GNAL: variants seen among roughly 807,000 people sequenced by gnomAD.
GNAL encodes the protein guanine nucleotide-binding protein G(olf) subunit alpha.
GNAL carries 18 observed loss-of-function variants against 55.1 expected under a neutral mutation model. The observed-to-expected ratio is 0.33, with a 90% confidence interval of 0.23 to 0.48. The LOEUF (loss-of-function observed/expected upper bound fraction) is 0.48, where lower values mean the gene tolerates loss of function less well. Ranked by LOEUF, GNAL falls within the 20% of genes least tolerant of loss-of-function variation. GNAL has a pLI of 0.99. For synonymous variants in GNAL, 253 were observed against 237.0 expected (o/e 1.07, Z -0.62); for missense variants, 412 against 614.1 (o/e 0.67, Z 3.48).
rs532979389 is a variant in GNAL at position 11,868,081 on chromosome 18, C to T, written c.911-462C>T. On this transcript the variant is annotated intron_variant, in intron 8 of 11. Coordinates refer to ENST00000334049, the MANE Select transcript of GNAL (RefSeq NM_182978.4). This position sits in a 1 kb window ranked among gnomAD's most constrained non-coding sequence, Gnocchi z 4.0. ...CAGAGGTTGCAGTGAGCCAAGATTG[C>T]GCCATTGCACTCCAGCCTGGGCAAC... Among the ~76,000 whole-genome samples the T allele has an allele frequency of 9.2e-5, 14 of 151,686 alleles. 1 individual carries two copies. The East Asian group carries it at 1.2e-3, about 13-fold the overall frequency.
intron 1 of GNAL, among the ~76,000 whole-genome samples, chr18:11,704,975 G>A (rs539626652): frequency 5.3e-5 from 8 of 152,084 alleles, no homozygotes; most frequent in African/African-American, 1.4e-4. Flanking sequence ...CACTTCACAC[G>A]AGATCTACCC....
intron 4 of GNAL, among the ~76,000 whole-genome samples, chr18:11,815,766 C>G (rs2034938993): frequency 6.6e-6 from 1 of 151,822 alleles, no homozygotes; most frequent in Non-Finnish European, 1.5e-5. Flanking sequence ...TTTGCAAAAC[C>G]TATAGCTGAT....
chr18:11,874,051 GA>G (rs1323986171), intron 10 of GNAL: 1 of 152,380 alleles, frequency 6.6e-6, no homozygotes, highest in African/African-American at 2.4e-5. Context: ...ACCTGCTTAG[GA>G]GCACCAAGGA....
At chr18:11,693,823 C>A (rs1225984043) in intron 1 of GNAL, among the ~76,000 whole-genome samples, 1 of 148,252 alleles carries the variant, frequency 6.7e-6, no homozygotes, top group Non-Finnish European at 1.5e-5. Context: ...TGAAGACCAG[C>A]CTGGGCAACA....
intron 4 of GNAL, among the ~76,000 whole-genome samples, chr18:11,796,847 C>T (rs2034403016): frequency 6.6e-6 from 1 of 152,088 alleles, no homozygotes; most frequent in African/African-American, 2.4e-5. Flanking sequence ...TACTCATTTC[C>T]AAATTTCCTA....
At chr18:11,806,135 T>C (rs1442413931) in intron 4 of GNAL, among the ~76,000 whole-genome samples, 1 of 152,226 alleles carries the variant, frequency 6.6e-6, no homozygotes, top group African/African-American at 2.4e-5. Context: ...TGTTGGCCAT[T>C]TGTATGTCTT....
intron 1 of GNAL, among the ~76,000 whole-genome samples, chr18:11,690,332 T>G (rs944608253): frequency 6.6e-5 from 10 of 152,092 alleles, no homozygotes; most frequent in African/African-American, 2.2e-4. Context: ...TGGCAGTTTG[T>G]TTTAAGAACA....
chr18:11,788,914 A>AAAAAAAAAAAATATATATAT (rs60071996), intron 4 of GNAL, among the ~76,000 whole-genome samples: 2 of 56,298 alleles, frequency 3.6e-5, no homozygotes, highest in African/African-American at 2.0e-4. Context: ...AAAAAAAAAA[A>AAAAAAAAAAAATATATATAT]ATATATATAT....
At chr18:11,782,085 C>G (rs1834267) in intron 4 of GNAL, among the ~76,000 whole-genome samples, 17,688 of 152,164 alleles carry the variant, frequency 0.12, 1,446 homozygotes, top group African/African-American at 0.23. Context: ...GGGAAGTCGA[C>G]ATGGGCGGAT....
intron 4 of GNAL, among the ~76,000 whole-genome samples, chr18:11,822,036 C>T (rs2035107325): frequency 6.6e-6 from 1 of 152,230 alleles, no homozygotes; most frequent in African/African-American, 2.4e-5. Flanking sequence ...CTCAGTTTCT[C>T]CTCCGCCTGC....
At chr18:11,877,966 C>G (rs1280365006) in intron 11 of GNAL, among the ~76,000 whole-genome samples, 1 of 152,174 alleles carries the variant, frequency 6.6e-6, no homozygotes, top group Non-Finnish European at 1.5e-5. Flanking sequence ...AGCAAGAGAG[C>G]CTTTACTTAA....
In GNAL at chr18:11,873,995, G is replaced by T. The variant is rs117377308; in HGVS notation, c.1162+1597G>T. The T allele has an allele frequency of 5.9e-3, 901 of 152,824 alleles. 8 individuals are homozygous for T. Among genetic ancestry groups the T allele is most frequent in the Non-Finnish European group, 9.4e-3 (647 of 68,498 alleles). 9.5% of individuals were successfully genotyped at this position (152,824 alleles called of 1,614,324 possible). On this transcript the variant is annotated intron_variant, in intron 10 of 11. Coordinates refer to ENST00000334049, the MANE Select transcript of GNAL (RefSeq NM_182978.4). ...CTGTAGCTGGTCACTCACCTTTCCA[G>T]AACATTCTGTGAACTACCAAAGTCA...
rs767776107 is a variant in GNAL, at chr18:11,884,987, G to A, written c.*3852G>A. 4 of 1,302,574 alleles carry A rather than the reference G, an allele frequency of 3.1e-6. No homozygotes were observed. The highest frequency in any genetic ancestry group is 2.5e-5 in the South Asian group (2 of 80,320). 80.7% of individuals were successfully genotyped at this position (1,302,574 alleles called of 1,614,324 possible). ...AGTTCCAGGGTCATCGGTCAGCGAG[G>A]AACAAGGAGGGAAAGGTGTCTTCCT... On this transcript the variant is annotated 3_prime_UTR_variant, in exon 12 of 12. Transcript: ENST00000334049.
At chr18:11,836,263 A>G (rs2035496296) in intron 5 of GNAL, among the ~76,000 whole-genome samples, 1 of 152,082 alleles carries the variant, frequency 6.6e-6, no homozygotes, top group African/African-American at 2.4e-5. Flanking sequence ...CCTGACCAAC[A>G]TAGAGAAACC....
chr18:11,837,526 CT>C (rs937277647), intron 5 of GNAL, among the ~76,000 whole-genome samples: 4 of 152,192 alleles, frequency 2.6e-5, no homozygotes, highest in African/African-American at 9.7e-5. Context: ...TGCTAAACAT[CT>C]TTAGCTGTTA....
In GNAL at chr18:11,818,680, T is replaced by C. The variant is rs545917813; in HGVS notation, c.625-6238T>C. On this transcript the variant is annotated intron_variant, in intron 4 of 11. Coordinates refer to ENST00000334049, the MANE Select transcript of GNAL (RefSeq NM_182978.4). ...CAGTGAAGTTACTGCTCAGTGTGTC[T>C]GACCGAGGCTTTCACACGTGCCGGG... Among the ~76,000 whole-genome samples, 14 of 152,340 alleles carry C rather than the reference T, an allele frequency of 9.2e-5. No homozygotes were observed. In the East Asian group the frequency reaches 2.7e-3, roughly 29 times the overall value.
chr18:11,871,617 TG>T (rs1399433789), intron 9 of GNAL, among the ~76,000 whole-genome samples: 1 of 152,212 alleles, frequency 6.6e-6, no homozygotes, highest in African/African-American at 2.4e-5. Flanking sequence ...TTTGAAGTGA[TG>T]GAGGCGGAAG....
intron 4 of GNAL, among the ~76,000 whole-genome samples, chr18:11,775,353 G>GGTTAACC (rs1488311983): frequency 6.6e-6 from 1 of 152,228 alleles, no homozygotes; most frequent in African/African-American, 2.4e-5. Context: ...TTTAACCATT[G>GGTTAACC]AATAGTTAGC....
At chr18:11,767,692 C>T (rs2033455290) in intron 4 of GNAL, among the ~76,000 whole-genome samples, 3 of 152,178 alleles carry the variant, frequency 2.0e-5, no homozygotes, top group Admixed American at 2.0e-4. Flanking sequence ...GCGCTCTGTG[C>T]ATCCTTGCAC....
Sources: allele counts gnomAD v4.1 joint callset (sites outside exome capture counted in the v4.1 genomes callset), GRCh38; gene constraint gnomAD v4.1.1; non-coding constraint Gnocchi (gnomAD v3.1); transcripts MANE v1.5; gene names NCBI Gene and HGNC (gene_info 2026-07-23, HGNC 2026-07-21).